Variants in ZNF562 observed in about 807,000 individuals in gnomAD.
ZNF562 encodes zinc finger protein 562.
Under a neutral mutation model 17.5 loss-of-function variants are expected in ZNF562, and 13 were observed. The ratio of observed to expected loss-of-function variants is 0.74; its 90% CI spans 0.48 to 1.18. ZNF562 has a LOEUF of 1.18. Ranked by LOEUF, ZNF562 falls within the 50% of genes most tolerant of loss-of-function variation. The pLI is 0.00. For missense variants in ZNF562, 481 were observed against 498.5 expected, an observed-to-expected ratio of 0.96 and a Z score of 0.33; for synonymous variants, 163 against 165.4, an observed-to-expected ratio of 0.99 and a Z score of 0.11.
chr19:9,670,010 C>G (rs1210257675), intron 1 of ZNF562, among the ~76,000 whole-genome samples: 2 of 152,058 alleles, frequency 1.3e-5, no homozygotes, highest in African/African-American at 4.8e-5. Flanking sequence ...TGCAGTGAAC[C>G]AAGATCGTGC....
chr19:9,669,368 C>A (rs2044061856), intron 1 of ZNF562, among the ~76,000 whole-genome samples: 1 of 152,140 alleles, frequency 6.6e-6, no homozygotes, highest in South Asian at 2.1e-4. Flanking sequence ...CATCACTAAT[C>A]ATCAGAGAAA....
rs1287756863 is a variant in ZNF562 at position 9,653,022 on chromosome 19, A to G, written c.1208T>C (p.Val403Ala). 1 of 1,564,018 alleles carries G rather than the reference A, an allele frequency of 6.4e-7. No individual in the cohort carries two copies. The highest frequency in any genetic ancestry group is 8.6e-7 in the Non-Finnish European group (1 of 1,157,440). ...AGTAATGAAGGTCTTCCCACATTCA[A>G]CACATTCATAAGGCTTCTCTCCTGT... is the stretch of plus-strand genomic sequence containing the variant. ...IHTGEKPYECVECGKTFITSS... is the reference protein window; with the variant it reads ...IHTGEKPYECAECGKTFITSS... Residue 403 changes from valine (V) to alanine (A), a missense_variant, in exon 6 of 6, where the codon GTT (valine) becomes GCT (alanine). Physicochemically the swap from Val to Ala is moderately conservative, Grantham distance 64. Around this residue, in one of 2 missense-constraint regions of ZNF562, gnomAD observed 78 missense variants for 112.0 expected, o/e 0.70. Transcript: ENST00000453372.
intron 4 of ZNF562, among the ~76,000 whole-genome samples, chr19:9,657,495 T>G (rs551255109): frequency 6.6e-6 from 1 of 151,390 alleles, no homozygotes; most frequent in South Asian, 2.1e-4. Context: ...CAGAGATATC[T>G]GAAATTCTGA....
At chr19:9,669,726 G>GCACACACA (rs1190709144) in intron 1 of ZNF562, among the ~76,000 whole-genome samples, 2 of 85,054 alleles carry the variant, frequency 2.4e-5, no homozygotes, top group African/African-American at 9.1e-5. Flanking sequence ...GAGCGCGCGC[G>GCACACACA]CGCGCGCGCA....
In ZNF562 at chr19:9,656,661, T is replaced by G; in HGVS notation, c.242-8A>C. The G allele has an allele frequency of 6.2e-7, 1 of 1,610,254 alleles. No homozygotes were observed. The highest frequency in any genetic ancestry group is 8.5e-7 in the Non-Finnish European group (1 of 1,177,078). On this transcript the variant is annotated splice_region_variant and splice_polypyrimidine_tract_variant and intron_variant, in intron 4 of 5. Coordinates refer to ENST00000453372, the MANE Select transcript of ZNF562 (RefSeq NM_001130031.2). ...TTAAGCAGAAAAAGAAATCTAAGGG[T>G]TTAGAGAAGAAATGTGTTAGTTTAA...
intron 5 of ZNF562, among the ~76,000 whole-genome samples, chr19:9,655,185 C>A (rs2144969405): frequency 6.6e-6 from 1 of 152,050 alleles, no homozygotes; most frequent in East Asian, 1.9e-4. Flanking sequence ...GAGACAGAGT[C>A]TCCCTGTTGC....
At chr19:9,659,779 A>G (rs2043652349) in intron 2 of ZNF562, among the ~76,000 whole-genome samples, 1 of 151,770 alleles carries the variant, frequency 6.6e-6, no homozygotes, top group Admixed American at 6.6e-5. Context: ...AAAGGCACAC[A>G]AACCAGGGCT....
chr19:9,659,604 A>T, intron 2 of ZNF562, 137 bp from the exon 3 acceptor site: 1 of 1,123,844 alleles, frequency 8.9e-7, no homozygotes, highest in South Asian at 1.7e-5. Flanking sequence ...ACTTCCATGA[A>T]ATGCCGTAGT....
At position 9,649,943 on chromosome 19, in the gene ZNF562, C is replaced by T. The variant is rs2074844634; in HGVS notation, c.*3006G>A. 6.6e-6 allele frequency: 1 copy of T among 152,126 alleles called. No individual in the cohort carries two copies. The highest frequency in any genetic ancestry group is 6.6e-5 in the Admixed American group (1 of 15,254). 9.4% of individuals were successfully genotyped at this position (152,126 alleles called of 1,614,324 possible). A position where few individuals can be genotyped will look rare whatever the true frequency, so the allele number is the denominator to read the frequency against. On this transcript the variant is annotated 3_prime_UTR_variant, in exon 6 of 6. Coordinates refer to ENST00000453372, the MANE Select transcript of ZNF562 (RefSeq NM_001130031.2). ...CGACATGTGATGTCTGCCCCGGACACCCAGCTTTAAAATTTCTCTCTTTTG... is the reference window on the plus strand; with the variant it reads ...CGACATGTGATGTCTGCCCCGGACATCCAGCTTTAAAATTTCTCTCTTTTG...
Position 9,652,729 on chromosome 19 carries a change from T to G in ZNF562, c.*220A>C, listed in dbSNP as rs1366939289. ...AGGACTAATCTGATGATCTTTGCAC[T>G]GCCAATAATTAAAGATGGCAACCAA... is the stretch of plus-strand genomic sequence containing the variant. On this transcript the variant is annotated 3_prime_UTR_variant, in exon 6 of 6. Coordinates refer to ENST00000453372, the MANE Select transcript of ZNF562 (RefSeq NM_001130031.2). 1 of 410,658 alleles carries G rather than the reference T, an allele frequency of 2.4e-6. No homozygotes were observed. Among genetic ancestry groups the G allele is most frequent in the Non-Finnish European group, 4.2e-6 (1 of 235,502 alleles). The allele number at this position is 410,658 out of a possible 1,614,324, so 25.4% of individuals were successfully genotyped here.
chr19:9,669,343 C>CA lies in ZNF562; in HGVS notation c.-131+5671dup, dbSNP rs537053789. Among the ~76,000 whole-genome samples, 18 of 152,076 alleles carry CA rather than the reference C, an allele frequency of 1.2e-4. No homozygotes were observed. The South Asian group carries it at 1.9e-3, about 16-fold the overall frequency. Reference sequence around the variant, plus strand: ...GACATACAAATGGCCAACAGGCATACAAAAAAATGCTCAACATCACTAATC... The same window carrying CA: ...GACATACAAATGGCCAACAGGCATACAAAAAAAATGCTCAACATCACTAATC... On this transcript the variant is annotated intron_variant, in intron 1 of 5. Coordinates refer to ENST00000453372, the MANE Select transcript of ZNF562 (RefSeq NM_001130031.2).
chr19:9,672,850 G>A (rs2044250634), intron 1 of ZNF562, among the ~76,000 whole-genome samples: 1 of 149,456 alleles, frequency 6.7e-6, no homozygotes, highest in Admixed American at 6.7e-5. Flanking sequence ...CGGGATCTCG[G>A]CTCAATGCAA....
intron 3 of ZNF562, 84 bp downstream of exon 3, chr19:9,659,295 G>A (rs1218270160): frequency 2.0e-5 from 25 of 1,247,352 alleles, no homozygotes; most frequent in Non-Finnish European, 2.8e-5. Flanking sequence ...AGAAAACTCT[G>A]GAGATGAGTC....
chr19:9,660,389 G>A (rs2043690816), intron 2 of ZNF562, among the ~76,000 whole-genome samples: 1 of 152,146 alleles, frequency 6.6e-6, no homozygotes, highest in African/African-American at 2.4e-5. Context: ...CACTTTGGGA[G>A]GCCGAGGCAG....
At chr19:9,653,929 A>G in intron 5 of ZNF562, 48 bp from the exon 6 acceptor site, 1 of 1,468,496 alleles carries the variant, frequency 6.8e-7, no homozygotes, top group Non-Finnish European at 9.0e-7. Context: ...ATATTAAGAG[A>G]TTTCACCCAT....
In ZNF562 at chr19:9,643,214, T is replaced by G. The variant is rs796966067; in HGVS notation, c.*9735A>C. 6.6e-6 allele frequency: 1 copy of G among 151,742 alleles called. No individual in the cohort carries two copies. Among genetic ancestry groups the G allele is most frequent in the Admixed American group, 6.6e-5 (1 of 15,206 alleles). 9.4% of individuals were successfully genotyped at this position (151,742 alleles called of 1,614,324 possible). On this transcript the variant is annotated 3_prime_UTR_variant, in exon 6 of 6. Coordinates refer to ENST00000453372, the MANE Select transcript of ZNF562 (RefSeq NM_001130031.2). ...ACTGAAAATACAAAAATTAGCTGGG[T>G]GTGGTGGTGCACACCTGTAATCCCA...
In ZNF562 at chr19:9,648,929, T is replaced by C. The variant is rs1315864065; in HGVS notation, c.*4020A>G. 2 of 152,134 alleles carry C rather than the reference T, an allele frequency of 1.3e-5. No homozygotes were observed. The highest frequency in any genetic ancestry group is 2.4e-5 in the African/African-American group (1 of 41,432). 9.4% of individuals were successfully genotyped at this position (152,134 alleles called of 1,614,324 possible). On this transcript the variant is annotated 3_prime_UTR_variant, in exon 6 of 6. Coordinates refer to ENST00000453372, the MANE Select transcript of ZNF562 (RefSeq NM_001130031.2). The stretch of plus-strand genomic sequence containing the variant: ...AAGAGGAATTCAGCCTCATAAACTA[T>C]GAAATATTGGGAAATAATTCATCAT...
chr19:9,674,366 A>G (rs1385906827), intron 1 of ZNF562, among the ~76,000 whole-genome samples: 1 of 152,214 alleles, frequency 6.6e-6, no homozygotes, highest in Non-Finnish European at 1.5e-5. Context: ...GTAGAAGGCA[A>G]AGAATTAAAC....
chr19:9,662,510 C>T (rs1310669316), intron 1 of ZNF562, among the ~76,000 whole-genome samples: 2 of 150,514 alleles, frequency 1.3e-5, no homozygotes, highest in African/African-American at 4.9e-5. Flanking sequence ...TGCAGTGAGC[C>T]GAGATCATGC....
Sources: allele counts gnomAD v4.1 joint callset (sites outside exome capture counted in the v4.1 genomes callset), GRCh38; gene constraint gnomAD v4.1.1; regional missense constraint gnomAD v4.1.1; transcripts MANE v1.5; gene names NCBI Gene and HGNC (gene_info 2026-07-23, HGNC 2026-07-21).